Variants in NAP1L1 observed in about 807,000 individuals in gnomAD.
The protein encoded by NAP1L1 is nucleosome assembly protein 1-like 1.
NAP1L1 carries 9 observed loss-of-function variants against 58.9 expected under a neutral mutation model. The ratio of observed to expected loss-of-function variants is 0.15; its 90% CI spans 0.09 to 0.27. NAP1L1 has a LOEUF of 0.27. Ranked by LOEUF, NAP1L1 falls within the 10% of genes least tolerant of loss-of-function variation. The pLI is 1.00. For missense variants in NAP1L1, 302 were observed against 458.8 expected (o/e 0.66, Z 3.12); for synonymous variants, 130 against 138.3 (o/e 0.94, Z 0.42).
At chr12:76,078,972 A>G (rs937424927) in intron 1 of NAP1L1, among the ~76,000 whole-genome samples, 2 of 151,026 alleles carry the variant, frequency 1.3e-5, no homozygotes, top group Non-Finnish European at 2.9e-5. Context: ...AAACCATAAA[A>G]TAAAGAATCC....
intron 11 of NAP1L1, 78 bp from the exon 12 acceptor site, chr12:76,050,731 A>C: frequency 6.9e-7 from 1 of 1,449,752 alleles, no homozygotes; most frequent in South Asian, 1.4e-5. Flanking sequence ...AGACTCTTAG[A>C]GGCTGGGTGT....
intron 2 of NAP1L1, among the ~76,000 whole-genome samples, chr12:76,071,403 C>CA (rs772710184): frequency 7.2e-5 from 11 of 152,152 alleles, no homozygotes; most frequent in Non-Finnish European, 1.6e-4. Context: ...GTTAAGATGG[C>CA]AGATGCCACA....
chr12:76,049,863 G>A, intron 12 of NAP1L1, 78 bp from the exon 13 acceptor site: 1 of 1,474,866 alleles, frequency 6.8e-7, no homozygotes, highest in South Asian at 1.2e-5. Context: ...ATTTATCACT[G>A]TATAAACTAG....
At chr12:76,069,081 T>A in intron 2 of NAP1L1, 87 bp from the exon 3 acceptor site, 2 of 913,822 alleles carry the variant, frequency 2.2e-6, no homozygotes, top group Non-Finnish European at 3.4e-6. Flanking sequence ...TTTTCAAAAT[T>A]AGTATCTCTT....
At chr12:76,080,900 C>T (rs1182664559) in intron 1 of NAP1L1, among the ~76,000 whole-genome samples, 1 of 151,988 alleles carries the variant, frequency 6.6e-6, no homozygotes, top group African/African-American at 2.4e-5. Context: ...ATAAATTACC[C>T]AGTTTCCCAC....
intron 3 of NAP1L1, among the ~76,000 whole-genome samples, chr12:76,068,166 A>C (rs1182529959): frequency 6.6e-6 from 1 of 152,174 alleles, no homozygotes; most frequent in Non-Finnish European, 1.5e-5. Context: ...TTTTGAGGTC[A>C]ATTTACTTCT....
rs1207570820 is a variant in NAP1L1 at position 76,043,192 on chromosome 12, C to G, written c.*5237G>C. On this transcript the variant is annotated 3_prime_UTR_variant, in exon 15 of 15. Transcript: ENST00000618691. Reference sequence around the variant, plus strand: ...GCCCACCTACCTCAAATGTTCTGACCTTCAAATGGCTGACTTGGTCTATCA... The same window carrying G: ...GCCCACCTACCTCAAATGTTCTGACGTTCAAATGGCTGACTTGGTCTATCA... The G allele has an allele frequency of 6.6e-6, 1 of 152,134 alleles. No homozygotes were observed. The highest frequency in any genetic ancestry group is 1.5e-5 in the Non-Finnish European group (1 of 68,056). The allele number at this position is 152,134 out of a possible 1,614,324, so 9.4% of individuals were successfully genotyped here. A position where few individuals can be genotyped will look rare whatever the true frequency, so the allele number is the denominator to read the frequency against.
intron 4 of NAP1L1, among the ~76,000 whole-genome samples, chr12:76,060,668 A>C (rs7136330): frequency 6.6e-6 from 1 of 152,004 alleles, no homozygotes; most frequent in Non-Finnish European, 1.5e-5. Flanking sequence ...GGGAGCATAG[A>C]CATATCAGGA....
At chr12:76,078,846 T>C (rs967775068) in intron 1 of NAP1L1, among the ~76,000 whole-genome samples, 3 of 152,174 alleles carry the variant, frequency 2.0e-5, no homozygotes, top group Non-Finnish European at 4.4e-5. Flanking sequence ...AAAGACTTCA[T>C]ACAAGTTCTG....
At chr12:76,068,417 T>C (rs1052955670) in intron 3 of NAP1L1, among the ~76,000 whole-genome samples, 3 of 152,084 alleles carry the variant, frequency 2.0e-5, no homozygotes, top group Non-Finnish European at 4.4e-5. Context: ...CTACAAGACA[T>C]ACCCTAAGTA....
chr12:76,050,543 A>T lies in NAP1L1; in HGVS notation c.1047T>A (p.Asp349Glu). ...CAAATTCGCTTACATCATCATCATC[A>T]TCTTCAATAGCTTCTCCAGTAAAAT... ...VLYFTGEAIE[D>E]DDDDYDEEGE... is the part of the protein sequence containing the mutation. Residue 349 changes from aspartate to glutamate, a missense_variant, in exon 12 of 15, where the codon GAT (aspartate) becomes GAA (glutamate). Coordinates refer to ENST00000618691, the MANE Select transcript of NAP1L1 (RefSeq NM_004537.7). 11 of 1,602,644 alleles carry T rather than the reference A, an allele frequency of 6.9e-6. No individual in the cohort carries two copies. The highest frequency in any genetic ancestry group is 2.3e-5 in the South Asian group (2 of 88,764).
At chr12:76,081,171 C>T (rs1325665489) in intron 1 of NAP1L1, among the ~76,000 whole-genome samples, 1 of 152,018 alleles carries the variant, frequency 6.6e-6, no homozygotes, top group African/African-American at 2.4e-5. Context: ...CAGTGTAAGT[C>T]AACATTCTTT....
At chr12:76,053,607 A>G (rs1473132303) in intron 9 of NAP1L1, among the ~76,000 whole-genome samples, 163 bp downstream of exon 9, 1 of 152,236 alleles carries the variant, frequency 6.6e-6, no homozygotes. Context: ...TCATGGGTCC[A>G]AGGAGAATTA....
chr12:76,060,569 G>A (rs1592647325), intron 4 of NAP1L1, among the ~76,000 whole-genome samples: 1 of 152,036 alleles, frequency 6.6e-6, no homozygotes, highest in Non-Finnish European at 1.5e-5. Flanking sequence ...CTGAAGTCAT[G>A]GACAGACCAT....
At position 76,039,882 on chromosome 12, in the gene NAP1L1, AGTTT is replaced by A. The variant is rs1249925786; in HGVS notation, c.*8543_*8546del. ...TAATACTGTAAACTGAAATCCCACT[AGTTT>A]AAAACTATACATGGAATAGCAATGA... On this transcript the variant is annotated 3_prime_UTR_variant, in exon 15 of 15. Coordinates refer to ENST00000618691, the MANE Select transcript of NAP1L1 (RefSeq NM_004537.7). 2 of 152,246 alleles carry A rather than the reference AGTTT, an allele frequency of 1.3e-5. No individual in the cohort carries two copies. The highest frequency in any genetic ancestry group is 4.8e-5 in the African/African-American group (2 of 41,466). The allele number at this position is 152,246 out of a possible 1,614,324, so 9.4% of individuals were successfully genotyped here. A position where few individuals can be genotyped will look rare whatever the true frequency, so the allele number is the denominator to read the frequency against.
chr12:76,041,567 A>G lies in NAP1L1; in HGVS notation c.*6862T>C, dbSNP rs1291915092. 1 of 152,208 alleles carries G rather than the reference A, an allele frequency of 6.6e-6. No individual in the cohort carries two copies. Among genetic ancestry groups the G allele is most frequent in the East Asian group, 1.9e-4 (1 of 5,190 alleles). 9.4% of individuals were successfully genotyped at this position (152,208 alleles called of 1,614,324 possible). A position where few individuals can be genotyped will look rare whatever the true frequency, so the allele number is the denominator to read the frequency against. On this transcript the variant is annotated 3_prime_UTR_variant, in exon 15 of 15. Coordinates refer to ENST00000618691, the MANE Select transcript of NAP1L1 (RefSeq NM_004537.7). The stretch of plus-strand genomic sequence containing the variant: ...TCACCAAGCCAAATGAATAGCAAAG[A>G]CAACAGTTCCAGCCTCCAGTTTTGA...
At chr12:76,072,561 T>C (rs910999613) in intron 2 of NAP1L1, among the ~76,000 whole-genome samples, 10 of 152,128 alleles carry the variant, frequency 6.6e-5, no homozygotes, top group African/African-American at 2.2e-4. Context: ...AGCCACTGAA[T>C]TGCTGCACTG....
rs1457838477 is a variant in NAP1L1 at position 76,041,346 on chromosome 12, C to G, written c.*7083G>C. 1.3e-5 allele frequency: 2 copies of G among 152,122 alleles called. No individual in the cohort carries two copies. Among genetic ancestry groups the G allele is most frequent in the African/African-American group, 2.4e-5 (1 of 41,430 alleles). 9.4% of individuals were successfully genotyped at this position (152,122 alleles called of 1,614,324 possible). A position where few individuals can be genotyped will look rare whatever the true frequency, so the allele number is the denominator to read the frequency against. ...TAGAGTATTTTGAACTGGTTCAAAA[C>G]CAGTTCAGATTTATAGAACCAAAGA... On this transcript the variant is annotated 3_prime_UTR_variant, in exon 15 of 15. Coordinates refer to ENST00000618691, the MANE Select transcript of NAP1L1 (RefSeq NM_004537.7).
chr12:76,066,145 C>T (rs73133148), intron 4 of NAP1L1, among the ~76,000 whole-genome samples: 1,880 of 20,380 alleles, frequency 0.092, 15 homozygotes, highest in East Asian at 0.32. Flanking sequence ...AATAAACAAA[C>T]AAACAAACAA....
Sources: gnomAD v4.1 joint callset for allele counts (sites outside exome capture counted in the v4.1 genomes callset) on GRCh38, gnomAD v4.1.1 for gene constraint, MANE v1.5 for transcripts, NCBI Gene and HGNC (gene_info 2026-07-23, HGNC 2026-07-21) for gene names.